SH3GL2: variants seen among roughly 807,000 people sequenced by gnomAD.
The protein encoded by SH3GL2 is endophilin-A1.
SH3GL2 carries 24 observed loss-of-function variants against 46.0 expected under a neutral mutation model. The ratio of observed to expected loss-of-function variants is 0.52; its 90% CI spans 0.38 to 0.73. The LOEUF is 0.73. Among genes scored for constraint, SH3GL2 ranks in the 30% least tolerant of loss-of-function variants. SH3GL2 has a pLI of 0.00. For missense variants in SH3GL2, 413 were observed against 424.2 expected, an observed-to-expected ratio of 0.97 and a Z score of 0.23; for synonymous variants, 196 against 147.1, an observed-to-expected ratio of 1.33 and a Z score of -2.40.
chr9:17,636,193 G>T (rs1190344772), intron 1 of SH3GL2, among the ~76,000 whole-genome samples: 1 of 152,162 alleles, frequency 6.6e-6, no homozygotes, highest in Non-Finnish European at 1.5e-5. Context: ...TATCTAGCAT[G>T]GGATAACCGT....
At chr9:17,763,654 C>G (rs1823241086) in intron 3 of SH3GL2, among the ~76,000 whole-genome samples, 2 of 152,130 alleles carry the variant, frequency 1.3e-5, no homozygotes, top group African/African-American at 4.8e-5. Context: ...GGAATCAATT[C>G]TTTTCTTTGA....
chr9:17,607,757 T>G (rs1438337059), intron 1 of SH3GL2, among the ~76,000 whole-genome samples: 4 of 152,230 alleles, frequency 2.6e-5, no homozygotes, highest in Non-Finnish European at 5.9e-5. Flanking sequence ...TCCAGCAGGG[T>G]TCAAGAGCTT....
chr9:17,691,553 G>A (rs776423881), intron 1 of SH3GL2, among the ~76,000 whole-genome samples: 36 of 152,126 alleles, frequency 2.4e-4, no homozygotes, highest in African/African-American at 7.9e-4. Context: ...GTTGATTTGC[G>A]TATGACTCCC....
In SH3GL2 at chr9:17,603,076, C is replaced by T. The variant is rs191631947; in HGVS notation, c.45+23789C>T. 5.3e-3 allele frequency among the ~76,000 whole-genome samples: 811 copies of T among 152,320 alleles called. 3 individuals carry two copies. The highest frequency in any genetic ancestry group is 0.018 in the African/African-American group (742 of 41,570). On this transcript the variant is annotated intron_variant, in intron 1 of 8. Coordinates refer to ENST00000380607, the MANE Select transcript of SH3GL2 (RefSeq NM_003026.5). ...TGGGACTGATTCTGAGGACATGCCA[C>T]TGAGTCTTTTGGTCTGTGTTGGAGA... is the stretch of plus-strand genomic sequence containing the variant.
intron 1 of SH3GL2, among the ~76,000 whole-genome samples, chr9:17,613,276 T>G (rs1403291204): frequency 6.6e-6 from 1 of 152,212 alleles, no homozygotes; most frequent in East Asian, 1.9e-4. Context: ...TATTTTCCAT[T>G]TGTAAAGTTT....
In SH3GL2 at chr9:17,761,471, T is replaced by C; in HGVS notation, c.149T>C (p.Ile50Thr). ...GTCACCAGCAGGGCTGTGATGGAAATAATGACTAAAACAATTGAATACCTT... is the reference window on the plus strand; with the variant it reads ...GTCACCAGCAGGGCTGTGATGGAAACAATGACTAAAACAATTGAATACCTT... The part of the protein sequence containing the change: ...VDVTSRAVME[I>T]MTKTIEYLQP... Residue 50 changes from isoleucine to threonine, a missense_variant, in exon 3 of 9, where the codon ATA becomes ACA. Physicochemically the swap from Ile to Thr is moderately conservative, Grantham distance 89. Coordinates refer to ENST00000380607, the MANE Select transcript of SH3GL2 (RefSeq NM_003026.5). 6.2e-7 allele frequency: 1 copy of C among 1,609,034 alleles called. No individual in the cohort carries two copies. Among genetic ancestry groups the C allele is most frequent in the Non-Finnish European group, 8.5e-7 (1 of 1,175,312 alleles).
At chr9:17,599,178 G>C (rs1818625617) in intron 1 of SH3GL2, among the ~76,000 whole-genome samples, 1 of 152,144 alleles carries the variant, frequency 6.6e-6, no homozygotes, top group Non-Finnish European at 1.5e-5. Context: ...GAAGGTAAAA[G>C]AGTGTAAAAA....
At chr9:17,606,815 A>G (rs1818768723) in intron 1 of SH3GL2, among the ~76,000 whole-genome samples, 1 of 152,206 alleles carries the variant, frequency 6.6e-6, no homozygotes, top group African/African-American at 2.4e-5. Context: ...ATAAAATTAC[A>G]AAATTCAAGA....
intron 1 of SH3GL2, among the ~76,000 whole-genome samples, chr9:17,671,783 C>A (rs1820481160): frequency 6.6e-6 from 1 of 152,186 alleles, no homozygotes; most frequent in East Asian, 1.9e-4. Context: ...ATTTCACAAA[C>A]TTAATAAATG....
intron 1 of SH3GL2, among the ~76,000 whole-genome samples, chr9:17,656,334 A>G (rs1820076848): frequency 1.3e-5 from 2 of 152,226 alleles, no homozygotes; most frequent in South Asian, 2.1e-4. Flanking sequence ...CAACTAATGT[A>G]TCATAAAATC....
At chr9:17,580,873 A>C (rs1818265223) in intron 1 of SH3GL2, among the ~76,000 whole-genome samples, 1 of 152,192 alleles carries the variant, frequency 6.6e-6, no homozygotes, top group Admixed American at 6.5e-5. Context: ...GATTCTAAAG[A>C]TTTCTTTTGC....
intron 1 of SH3GL2, among the ~76,000 whole-genome samples, chr9:17,634,337 T>C (rs1246592798): frequency 1.3e-5 from 2 of 152,162 alleles, no homozygotes; most frequent in Non-Finnish European, 2.9e-5. Flanking sequence ...ATCAGAAAAA[T>C]ACAGAAAATC....
chr9:17,705,684 G>C (rs1821453052), intron 1 of SH3GL2, among the ~76,000 whole-genome samples: 1 of 151,994 alleles, frequency 6.6e-6, no homozygotes, highest in African/African-American at 2.4e-5. Context: ...CCGTTATTCT[G>C]AGTGAACTAA....
At chr9:17,729,964 G>A (rs1426142405) in intron 1 of SH3GL2, among the ~76,000 whole-genome samples, 2 of 141,090 alleles carry the variant, frequency 1.4e-5, no homozygotes, top group Non-Finnish European at 3.0e-5. Flanking sequence ...GGTTCCATAT[G>A]ACATTTAAAG....
At chr9:17,627,083 A>G (rs1323561599) in intron 1 of SH3GL2, among the ~76,000 whole-genome samples, 4 of 152,168 alleles carry the variant, frequency 2.6e-5, no homozygotes, top group Non-Finnish European at 5.9e-5. Flanking sequence ...ACTGAATAAC[A>G]TGTTTAACTT....
Position 17,632,400 on chromosome 9 carries a change from A to G in SH3GL2, c.45+53113A>G, listed in dbSNP as rs1819449335. On this transcript the variant is annotated intron_variant, in intron 1 of 8. Coordinates refer to ENST00000380607, the MANE Select transcript of SH3GL2 (RefSeq NM_003026.5). ...ACTACAGTAATTATTTTGATTTTTG[A>G]TTTTTATTATGTATCTAATCACTGT... 8.5e-5 allele frequency among the ~76,000 whole-genome samples: 13 copies of G among 152,228 alleles called. No individual in the cohort carries two copies. The South Asian group carries it at 2.7e-3, about 32-fold the overall frequency.
intron 1 of SH3GL2, among the ~76,000 whole-genome samples, chr9:17,598,198 C>T (rs1330965779): frequency 6.6e-6 from 1 of 152,020 alleles, no homozygotes; most frequent in Non-Finnish European, 1.5e-5. Context: ...TGACGTCATT[C>T]AAAAAGTGAA....
chr9:17,602,770 G>A (rs1818694627), intron 1 of SH3GL2, among the ~76,000 whole-genome samples: 1 of 116,526 alleles, frequency 8.6e-6, no homozygotes, highest in Non-Finnish European at 2.1e-5. Flanking sequence ...TTTCTTGTAG[G>A]TGAGAATAAC....
intron 1 of SH3GL2, among the ~76,000 whole-genome samples, chr9:17,599,690 T>A (rs1818634723): frequency 6.6e-6 from 1 of 152,184 alleles, no homozygotes; most frequent in Non-Finnish European, 1.5e-5. Flanking sequence ...GGGGGACAGA[T>A]TCTAGCCAGG....
Sources: gnomAD v4.1 joint callset for allele counts (sites outside exome capture counted in the v4.1 genomes callset) on GRCh38, gnomAD v4.1.1 for gene constraint, MANE v1.5 for transcripts, NCBI Gene and HGNC (gene_info 2026-07-23, HGNC 2026-07-21) for gene names.